Variants in EYS observed in about 807,000 individuals in gnomAD.
EYS encodes the protein EGF-like photoreceptor maintenance factor.
EYS carries 250 observed loss-of-function variants against 282.1 expected under a neutral mutation model. That is an observed-to-expected ratio of 0.89 (90% CI 0.80 to 0.98). The LOEUF is 0.98. EYS is among the 50% of genes least tolerant of loss of function. The pLI is 0.00. For missense variants in EYS, 4,016 were observed against 3,709.0 expected, an observed-to-expected ratio of 1.08 and a Z score of -2.15; for synonymous variants, 1,355 against 1,282.9, an observed-to-expected ratio of 1.06 and a Z score of -1.20.
intron 30 of EYS, among the ~76,000 whole-genome samples, chr6:64,278,162 T>A (rs1400010071): frequency 6.6e-6 from 1 of 152,172 alleles, no homozygotes; most frequent in African/African-American, 2.4e-5. Flanking sequence ...CTATCTCAAG[T>A]CTTTAAACAG....
Position 64,617,498 on chromosome 6 carries a change from A to G in EYS, c.3604T>C (p.Cys1202Arg). ...SGHHCENELECIPNSCVHELC... is the reference protein window; with the variant it reads ...SGHHCENELERIPNSCVHELC... ...TCATGAACACATGAGTTGGGAATGC[A>G]CTCAAGCTCATTCTCACAGTGGTGT... Residue 1202 changes from cysteine (C) to arginine (R), a missense_variant, in exon 24 of 43, where the codon TGC (cysteine) becomes CGC (arginine). Physicochemically the swap from Cys to Arg is radical, Grantham distance 180 (BLOSUM62 -3). Coordinates refer to ENST00000503581, the MANE Select transcript of EYS (RefSeq NM_001142800.2). 1.9e-6 allele frequency: 3 copies of G among 1,550,716 alleles called. No individual in the cohort carries two copies. The highest frequency in any genetic ancestry group is 1.7e-6 in the Non-Finnish European group (2 of 1,146,220).
At chr6:64,793,142 A>G (rs1016187782) in intron 22 of EYS, among the ~76,000 whole-genome samples, 19 of 152,106 alleles carry the variant, frequency 1.2e-4, no homozygotes, top group Non-Finnish European at 2.6e-4. Context: ...ATGAGAACAG[A>G]TGGAATATGA....
intron 12 of EYS, among the ~76,000 whole-genome samples, chr6:65,164,464 A>G (rs572951460): frequency 1.3e-5 from 2 of 151,004 alleles, no homozygotes; most frequent in Non-Finnish European, 3.0e-5. Flanking sequence ...TTTTCTTACT[A>G]TATGCTTTCC....
chr6:65,494,816 T>C lies in EYS; in HGVS notation c.595A>G (p.Ser199Gly), dbSNP rs1312139735. Residue 199 changes from serine (S) to glycine (G), a missense_variant, in exon 4 of 43, where the codon AGC (serine) becomes GGC (glycine). Transcript: ENST00000503581. ...GAAAATGGAGGCTGGCAATGGCAGC[T>C]ATATGTCTTGCTCCAAGCTTCACTA... ...CLSEAWSKTY[S>G]CHCQPPFSGK... is the part of the protein sequence containing the mutation. 6.2e-7 allele frequency: 1 copy of C among 1,614,012 alleles called. No individual in the cohort carries two copies. Among genetic ancestry groups the C allele is most frequent in the Non-Finnish European group, 8.5e-7 (1 of 1,180,030 alleles).
intron 24 of EYS, among the ~76,000 whole-genome samples, chr6:64,613,664 T>C (rs1767179005): frequency 6.6e-6 from 1 of 152,014 alleles, no homozygotes; most frequent in African/African-American, 2.4e-5. Flanking sequence ...AAACAAACTG[T>C]AATTGATGAA....
intron 14 of EYS, among the ~76,000 whole-genome samples, chr6:64,979,470 C>A (rs1327443622): frequency 6.6e-6 from 1 of 151,604 alleles, no homozygotes; most frequent in Non-Finnish European, 1.5e-5. Flanking sequence ...AATGGCTTTC[C>A]TGATTACATT....
intron 13 of EYS, among the ~76,000 whole-genome samples, chr6:65,040,767 G>A (rs1772910166): frequency 6.6e-6 from 1 of 151,608 alleles, no homozygotes; most frequent in Admixed American, 6.6e-5. Context: ...ATGTTGTAAG[G>A]AAGCCCAAGC....
chr6:64,946,874 C>T (rs377484096), intron 14 of EYS, among the ~76,000 whole-genome samples: 345 of 151,892 alleles, frequency 2.3e-3, no homozygotes, highest in African/African-American at 8.0e-3. Context: ...ATGAAACGTA[C>T]GATTTCAATT....
intron 26 of EYS, among the ~76,000 whole-genome samples, chr6:64,534,080 C>CT (rs1562046149): frequency 6.6e-6 from 1 of 151,600 alleles, no homozygotes; most frequent in Non-Finnish European, 1.5e-5. Flanking sequence ...TTCTATTTTG[C>CT]TTTTTGTGTA....
intron 26 of EYS, among the ~76,000 whole-genome samples, chr6:64,566,212 T>C (rs1201377622): frequency 6.6e-6 from 1 of 152,158 alleles, no homozygotes; most frequent in African/African-American, 2.4e-5. Context: ...ATCTCACTAA[T>C]AAACTGTAGA....
intron 31 of EYS, among the ~76,000 whole-genome samples, chr6:64,093,882 G>A (rs1449462920): frequency 1.3e-5 from 2 of 152,256 alleles, no homozygotes; most frequent in East Asian, 1.9e-4. Context: ...TGTGATATTG[G>A]CTGTGGATTT....
At chr6:63,908,359 G>C (rs1339512254) in intron 35 of EYS, among the ~76,000 whole-genome samples, 1 of 152,016 alleles carries the variant, frequency 6.6e-6, no homozygotes, top group African/African-American at 2.4e-5. Flanking sequence ...TACACTTTTG[G>C]TAAATGTAAA....
intron 19 of EYS, among the ~76,000 whole-genome samples, chr6:64,855,253 T>C (rs1450483911): frequency 6.6e-6 from 1 of 152,080 alleles, no homozygotes; most frequent in Non-Finnish European, 1.5e-5. Flanking sequence ...TTTACCGTTT[T>C]TGTAGAAATC....
At chr6:64,802,031 T>G (rs1272895700) in intron 22 of EYS, among the ~76,000 whole-genome samples, 29 of 109,394 alleles carry the variant, frequency 2.7e-4, no homozygotes, top group African/African-American at 1.1e-3. Flanking sequence ...TTCTTTTTTT[T>G]TCTTTTTTTT....
intron 31 of EYS, among the ~76,000 whole-genome samples, chr6:64,217,436 G>T (rs1765966055): frequency 6.6e-6 from 1 of 152,096 alleles, no homozygotes; most frequent in East Asian, 1.9e-4. Flanking sequence ...AGCTGAGACA[G>T]GAGAATCCCT....
At chr6:64,381,018 G>GAAA (rs113430990) in intron 29 of EYS, among the ~76,000 whole-genome samples, 1 of 73,070 alleles carries the variant, frequency 1.4e-5, no homozygotes, top group Admixed American at 1.5e-4. Context: ...CTCCATCTCA[G>GAAA]AAAAAAAAAA....
At chr6:65,108,738 A>G (rs1775117997) in intron 12 of EYS, among the ~76,000 whole-genome samples, 1 of 152,118 alleles carries the variant, frequency 6.6e-6, no homozygotes, top group Non-Finnish European at 1.5e-5. Flanking sequence ...GTTTCATTAA[A>G]TTTGGGAAAG....
intron 2 of EYS, among the ~76,000 whole-genome samples, chr6:65,535,575 G>T (rs945232800): frequency 1.3e-5 from 2 of 152,070 alleles, no homozygotes; most frequent in African/African-American, 4.8e-5. Context: ...CCAGTCTCAG[G>T]TATGTCTTTA....
At chr6:65,509,584 A>G (rs189036219) in intron 2 of EYS, among the ~76,000 whole-genome samples, 1 of 152,256 alleles carries the variant, frequency 6.6e-6, no homozygotes, top group East Asian at 1.9e-4. Context: ...CTGAGTGTTT[A>G]GAGTGCTTTA....
Sources: gnomAD v4.1 joint callset for allele counts (sites outside exome capture counted in the v4.1 genomes callset) on GRCh38, gnomAD v4.1.1 for gene constraint, MANE v1.5 for transcripts, NCBI Gene and HGNC (gene_info 2026-07-23, HGNC 2026-07-21) for gene names.